The following CDK14 variants were observed in gnomAD, a reference collection of about 807,000 sequenced individuals.
CDK14 encodes the protein cyclin dependent kinase 14.
In CDK14, 34 loss-of-function variants were observed where a neutral mutation model predicts 60.7. The observed-to-expected ratio is 0.56, with a 90% CI of 0.43 to 0.75. The LOEUF is 0.75. Ranked by LOEUF, CDK14 falls within the 30% of genes least tolerant of loss-of-function variation. The pLI is 0.00. For synonymous variants in CDK14, 197 were observed against 203.7 expected (o/e 0.97, Z 0.28); for missense variants, 482 against 564.1 (o/e 0.85, Z 1.47).
At chr7:90,630,905 TG>T (rs1799982082) in intron 2 of CDK14, among the ~76,000 whole-genome samples, 1 of 152,034 alleles carries the variant, frequency 6.6e-6, no homozygotes, top group Non-Finnish European at 1.5e-5. Context: ...TGTGTGTGTG[TG>T]TGTGTGTGTG....
At position 91,175,542 on chromosome 7, in the gene CDK14, G is replaced by C. The variant is rs986372644; in HGVS notation, c.*29-31623G>C. On this transcript the variant is annotated intron_variant, in intron 14 of 14. Coordinates refer to ENST00000380050, the MANE Select transcript of CDK14 (RefSeq NM_001287135.2). The stretch of plus-strand genomic sequence containing the variant: ...TTGAATAAAGAGTCAAGACCCATCA[G>C]TGTGCTGTATTCAGGAAACCCATCT... 3.9e-5 allele frequency among the ~76,000 whole-genome samples: 6 copies of C among 152,208 alleles called. No individual in the cohort carries two copies. In the South Asian group the frequency reaches 6.2e-4, roughly 16 times the overall value.
At chr7:90,643,510 T>G (rs1800389621) in intron 2 of CDK14, among the ~76,000 whole-genome samples, 1 of 152,228 alleles carries the variant, frequency 6.6e-6, no homozygotes. Context: ...TATAACATTA[T>G]GGATTTAGCT....
At chr7:90,959,175 A>G (rs3808259) in intron 9 of CDK14, among the ~76,000 whole-genome samples, 5,048 of 152,244 alleles carry the variant, frequency 0.033, 124 homozygotes, top group South Asian at 0.11. Context: ...GATAGAAAAT[A>G]GTAGACCCCA....
At chr7:90,943,948 TGCTGCTCTTGCAG>T (rs945074479) in intron 8 of CDK14, among the ~76,000 whole-genome samples, 5 of 152,212 alleles carry the variant, frequency 3.3e-5, no homozygotes, top group Non-Finnish European at 7.3e-5. Flanking sequence ...GAGGAATTAA[TGCTGCTCTTGCAG>T]GACTGGGTTA....
chr7:90,886,018 C>T (rs561688219), intron 6 of CDK14, among the ~76,000 whole-genome samples: 1 of 152,104 alleles, frequency 6.6e-6, no homozygotes, highest in Admixed American at 6.5e-5. Context: ...ACATATATCT[C>T]GTTTTTCTTT....
At chr7:90,809,372 C>T (rs1352884727) in intron 5 of CDK14, among the ~76,000 whole-genome samples, 2 of 152,114 alleles carry the variant, frequency 1.3e-5, no homozygotes, top group Non-Finnish European at 1.5e-5. Context: ...CGAATGACTG[C>T]TGGGTACATA....
intron 4 of CDK14, among the ~76,000 whole-genome samples, chr7:90,782,841 T>A (rs780818334): frequency 2.0e-5 from 3 of 152,126 alleles, no homozygotes; most frequent in Non-Finnish European, 4.4e-5. Context: ...ATAATTTGAA[T>A]TTTTATAGAG....
chr7:90,993,578 T>A lies in CDK14; in HGVS notation c.1041+9337T>A, dbSNP rs1795594991. 2.6e-5 allele frequency among the ~76,000 whole-genome samples: 4 copies of A among 152,014 alleles called. No homozygotes were observed. The South Asian group carries it at 8.3e-4, about 32-fold the overall frequency. On this transcript the variant is annotated intron_variant, in intron 10 of 14. Transcript: ENST00000380050. ...TGTTTTAGAGGAGAGAGAAGAAATT[T>A]GAAGATTTTATGATCTGCATGATTC... is the stretch of plus-strand genomic sequence containing the variant.
intron 14 of CDK14, among the ~76,000 whole-genome samples, chr7:91,157,716 G>A (rs1334878766): frequency 1.3e-5 from 2 of 152,196 alleles, no homozygotes; most frequent in Non-Finnish European, 2.9e-5. Context: ...AATGATACAT[G>A]TAAAGCTCTT....
intron 2 of CDK14, among the ~76,000 whole-genome samples, chr7:90,634,707 C>A (rs1301452503): frequency 6.6e-6 from 1 of 151,730 alleles, no homozygotes; most frequent in African/African-American, 2.4e-5. Context: ...GGAATCGCCA[C>A]ACTGACTTCC....
intron 8 of CDK14, among the ~76,000 whole-genome samples, chr7:90,923,652 G>T (rs1793322541): frequency 6.6e-6 from 1 of 152,250 alleles, no homozygotes; most frequent in East Asian, 1.9e-4. Context: ...TGCATGTGAG[G>T]TAACGAGACA....
chr7:90,707,551 T>C lies in CDK14; in HGVS notation c.124-19016T>C, dbSNP rs138677800. On this transcript the variant is annotated intron_variant, in intron 2 of 14. Transcript: ENST00000380050. ...CCTCTAGTCCTGTAGGGCTTTTCTA[T>C]TGGATAAAATGGCAACTTCATATAG... is the stretch of plus-strand genomic sequence containing the variant. Among the ~76,000 whole-genome samples, 18 of 152,326 alleles carry C rather than the reference T, an allele frequency of 1.2e-4. No homozygotes were observed. The East Asian group carries it at 3.5e-3, about 29-fold the overall frequency.
intron 8 of CDK14, among the ~76,000 whole-genome samples, chr7:90,940,940 A>G (rs1205641144): frequency 6.6e-6 from 1 of 152,220 alleles, no homozygotes; most frequent in Non-Finnish European, 1.5e-5. Context: ...AATGGCTTCC[A>G]AGTTCAGTTC....
intron 11 of CDK14, among the ~76,000 whole-genome samples, chr7:91,057,552 G>A (rs957671052): frequency 2.0e-5 from 3 of 152,190 alleles, no homozygotes; most frequent in African/African-American, 2.4e-5. Flanking sequence ...TAATGGTTAA[G>A]TCTTTAATCC....
intron 14 of CDK14, among the ~76,000 whole-genome samples, chr7:91,166,531 AT>A (rs1801351901): frequency 6.6e-6 from 1 of 152,224 alleles, no homozygotes; most frequent in African/African-American, 2.4e-5. Context: ...CATTCAGATT[AT>A]TTATATTATT....
In CDK14 at chr7:90,730,535, A is replaced by G. The variant is rs1584830660; in HGVS notation, c.369+3723A>G. On this transcript the variant is annotated intron_variant, in intron 3 of 14. Transcript: ENST00000380050. ...AGCATCTGTTGTTTCCTGATGTTTC[A>G]ATGATCATCATTCTAACTGGCGTGA... 3.9e-5 allele frequency among the ~76,000 whole-genome samples: 6 copies of G among 152,286 alleles called. 1 individual carries two copies. The highest frequency in any genetic ancestry group is 3.9e-4 in the Admixed American group (6 of 15,310).
intron 6 of CDK14, among the ~76,000 whole-genome samples, chr7:90,885,150 A>G (rs1380693590): frequency 6.6e-6 from 1 of 152,212 alleles, no homozygotes; most frequent in East Asian, 1.9e-4. Context: ...TCAACAGGCA[A>G]CCTACAGAAT....
chr7:90,906,399 C>T lies in CDK14; in HGVS notation c.702+7046C>T, dbSNP rs182440044. 3.2e-3 allele frequency among the ~76,000 whole-genome samples: 480 copies of T among 152,132 alleles called. 5 individuals are homozygous for T. Among genetic ancestry groups the T allele is most frequent in the African/African-American group, 0.011 (463 of 41,536 alleles). On this transcript the variant is annotated intron_variant, in intron 7 of 14. Coordinates refer to ENST00000380050, the MANE Select transcript of CDK14 (RefSeq NM_001287135.2). Reference sequence around the variant, plus strand: ...AAAAGAGCATGTCCTTTTAGTAACACAGAAGCTCTATGTTTGCTAAACACT... The same window carrying T: ...AAAAGAGCATGTCCTTTTAGTAACATAGAAGCTCTATGTTTGCTAAACACT...
intron 12 of CDK14, among the ~76,000 whole-genome samples, chr7:91,091,297 T>A (rs1464071641): frequency 6.9e-6 from 1 of 145,098 alleles, no homozygotes; most frequent in Admixed American, 7.0e-5. Context: ...TATATATTTT[T>A]ATATATACAT....
Sources: gnomAD v4.1 joint callset for allele counts (sites outside exome capture counted in the v4.1 genomes callset) on GRCh38, gnomAD v4.1.1 for gene constraint, MANE v1.5 for transcripts, NCBI Gene and HGNC (gene_info 2026-07-23, HGNC 2026-07-21) for gene names.